The following CACNA2D2 variants were observed in gnomAD, a reference collection of about 807,000 sequenced individuals.
CACNA2D2 encodes calcium voltage-gated channel auxiliary subunit alpha2delta 2.
In CACNA2D2, 48 loss-of-function variants were observed where a neutral mutation model predicts 166.4. That is an observed-to-expected ratio of 0.29 (90% CI 0.23 to 0.37). The LOEUF (loss-of-function observed/expected upper bound fraction) is 0.37. Among genes scored for constraint, CACNA2D2 ranks in the 10% least tolerant of loss-of-function variants. The pLI is 1.00. For synonymous variants in CACNA2D2, 561 were observed against 573.7 expected (o/e 0.98, Z 0.32); for missense variants, 1,122 against 1,433.0 (o/e 0.78, Z 3.50).
intron 4 of CACNA2D2, among the ~76,000 whole-genome samples, chr3:50,389,161 C>T (rs999905671): frequency 2.0e-5 from 3 of 152,176 alleles, no homozygotes; most frequent in East Asian, 1.9e-4. Flanking sequence ...GGGCCTGGGG[C>T]GGGGGCGGAG....
Position 50,364,712 on chromosome 3 carries a change from G to C in CACNA2D2, c.3386C>G (p.Pro1129Arg). The C allele has an allele frequency of 6.5e-7, 1 of 1,547,802 alleles. No individual in the cohort carries two copies. Among genetic ancestry groups the C allele is most frequent in the South Asian group, 1.2e-5 (1 of 84,536 alleles). The change falls in exon 38 of 38, where the codon CCC becomes CGC. Residue 1129 changes from proline to arginine, a missense_variant. Pro to Arg is a moderately radical substitution (Grantham distance 103). Transcript: ENST00000424201. ...LQLLLLLGLP[P>R]RPQPQVLVHA... ...GACGAGGACTTGAGGCTGCGGCCGG[G>C]GCGGCAGGCCCAGGAGGAGCAGCAG...
At chr3:50,384,145 C>T in intron 6 of CACNA2D2, 51 bp downstream of exon 6, 1 of 1,601,020 alleles carries the variant, frequency 6.2e-7, no homozygotes, top group African/African-American at 1.3e-5. Flanking sequence ...GGCAGTGGGC[C>T]TGCCCCCACA....
At chr3:50,500,660 ACATACATGTG>A (rs1698925009) in intron 1 of CACNA2D2, among the ~76,000 whole-genome samples, 1 of 152,092 alleles carries the variant, frequency 6.6e-6, no homozygotes, top group African/African-American at 2.4e-5. Flanking sequence ...GGACAAGTGC[ACATACATGTG>A]CATACATGTG....
At chr3:50,488,058 A>G (rs1163864288) in intron 1 of CACNA2D2, among the ~76,000 whole-genome samples, 1 of 152,138 alleles carries the variant, frequency 6.6e-6, no homozygotes, top group Non-Finnish European at 1.5e-5. Context: ...CATGGGATGC[A>G]TGGGAAGGGG....
chr3:50,372,397 G>A (rs1409885027), intron 22 of CACNA2D2, among the ~76,000 whole-genome samples: 1 of 152,240 alleles, frequency 6.6e-6, no homozygotes, highest in East Asian at 1.9e-4. Context: ...GCCTCTGGAA[G>A]CAGCGGGCCG....
At chr3:50,388,210 G>A (rs587606925) in intron 4 of CACNA2D2, among the ~76,000 whole-genome samples, 1 of 152,330 alleles carries the variant, frequency 6.6e-6, no homozygotes, top group South Asian at 2.1e-4. Flanking sequence ...AGTCGCCTGG[G>A]TTCTTGGCCA....
In CACNA2D2 at chr3:50,364,350, C is replaced by T. The variant is rs1704092123; in HGVS notation, c.*316G>A. 2.8e-6 allele frequency: 1 copy of T among 359,842 alleles called. No individual in the cohort carries two copies. 22.3% of individuals were successfully genotyped at this position (359,842 alleles called of 1,614,324 possible). A position where few individuals can be genotyped will look rare whatever the true frequency, so the allele number is the denominator to read the frequency against. On this transcript the variant is annotated 3_prime_UTR_variant, in exon 38 of 38. Coordinates refer to ENST00000424201, the MANE Select transcript of CACNA2D2 (RefSeq NM_006030.4). ...CATAGGCAGCCTCCAGGAAGGGCGG[C>T]AGCAGAGGCCTGGTTTTGGCACCAG...
intron 1 of CACNA2D2, among the ~76,000 whole-genome samples, chr3:50,476,929 C>CTTTTTTTT (rs61469495): frequency 7.4e-6 from 1 of 135,242 alleles, no homozygotes; most frequent in Non-Finnish European, 1.6e-5. Flanking sequence ...GTTTCTTTTT[C>CTTTTTTTT]TTTTTTTTTT....
At chr3:50,372,518 G>T (rs906291711) in intron 22 of CACNA2D2, among the ~76,000 whole-genome samples, 14 of 152,184 alleles carry the variant, frequency 9.2e-5, no homozygotes, top group African/African-American at 3.1e-4. Flanking sequence ...CAGCATCAGG[G>T]CGTGAGGCTT....
intron 3 of CACNA2D2, among the ~76,000 whole-genome samples, chr3:50,404,980 C>T (rs902566031): frequency 3.3e-5 from 5 of 152,192 alleles, no homozygotes; most frequent in Admixed American, 1.3e-4. Context: ...CCAGCTAGAA[C>T]AAGAGAGCCT....
rs534092838 is a variant in CACNA2D2 at position 50,493,684 on chromosome 3, G to A, written c.206+9534C>T. Among the ~76,000 whole-genome samples the A allele has an allele frequency of 7.9e-5, 12 of 152,318 alleles. No homozygotes were observed. The South Asian group carries it at 2.3e-3, about 29-fold the overall frequency. On this transcript the variant is annotated intron_variant, in intron 1 of 37. Coordinates refer to ENST00000424201, the MANE Select transcript of CACNA2D2 (RefSeq NM_006030.4). ...CAGCCTCTTGTTGGCAGCCAAATGC[G>A]CTCCTCAGACTCAGATCTTGAGGGG...
intron 3 of CACNA2D2, among the ~76,000 whole-genome samples, chr3:50,429,734 C>G (rs1707982218): frequency 6.6e-6 from 1 of 151,256 alleles, no homozygotes; most frequent in Non-Finnish European, 1.5e-5. Flanking sequence ...CATGCCACTG[C>G]ACTCCAGGCT....
intron 3 of CACNA2D2, among the ~76,000 whole-genome samples, chr3:50,417,650 TCC>T: frequency 6.6e-6 from 1 of 152,174 alleles, no homozygotes; most frequent in Admixed American, 6.5e-5. Flanking sequence ...CTCCTCCTCC[TCC>T]TCACTGTCTT....
intron 3 of CACNA2D2, among the ~76,000 whole-genome samples, chr3:50,420,384 G>A (rs1707492123): frequency 6.6e-6 from 1 of 152,208 alleles, no homozygotes; most frequent in Non-Finnish European, 1.5e-5. Context: ...TGTGGGGAGT[G>A]GTGGGGGCTC....
In CACNA2D2 at chr3:50,367,170, T is replaced by C; in HGVS notation, c.2402-61A>G. On this transcript the variant is annotated intron_variant, in intron 27 of 37. Coordinates refer to ENST00000424201, the MANE Select transcript of CACNA2D2 (RefSeq NM_006030.4). The surrounding 1 kb of genome is among the most constrained non-coding windows in gnomAD (Gnocchi z 6.5). ...GGCGGCCACACTGACCACTCTATGC[T>C]GGGTCCTACAAACCCAGCAGTCCAA... 7.6e-7 allele frequency: 1 copy of C among 1,317,906 alleles called. No homozygotes were observed. The highest frequency in any genetic ancestry group is 2.0e-4 in the Middle Eastern group (1 of 4,920). 81.6% of individuals were successfully genotyped at this position (1,317,906 alleles called of 1,614,324 possible).
intron 2 of CACNA2D2, among the ~76,000 whole-genome samples, chr3:50,437,018 A>G (rs745332967): frequency 6.6e-6 from 1 of 152,146 alleles, no homozygotes; most frequent in African/African-American, 2.4e-5. Flanking sequence ...CCCAAGCACC[A>G]TGTCTGTGTG....
intron 3 of CACNA2D2, among the ~76,000 whole-genome samples, chr3:50,433,875 T>C (rs1708186738): frequency 6.6e-6 from 1 of 152,166 alleles, no homozygotes; most frequent in Non-Finnish European, 1.5e-5. Flanking sequence ...TCTGTGGGGC[T>C]TGCAGAGCCC....
rs761974944 is a variant in CACNA2D2, at chr3:50,476,174, C to G, written c.232G>C (p.Glu78Gln). 7 of 1,599,096 alleles carry G rather than the reference C, an allele frequency of 4.4e-6. No individual in the cohort carries two copies. The South Asian group carries it at 6.8e-5, about 15-fold the overall frequency. Residue 78 changes from glutamate to glutamine, a missense_variant, in exon 2 of 38, where the codon GAG (glutamate) becomes CAG (glutamine). Glu to Gln is a conservative substitution (Grantham distance 29, BLOSUM62 2). This residue lies in a region of CACNA2D2 where 840 missense variants were observed against 1,166.8 expected (regional missense o/e 0.72). Transcript: ENST00000424201. ...CGCATCACGCCGTCGACCTCCTGCT[C>G]CAGACGCCGGGCCCAGTGCTGCATC... Reference protein sequence around the residue: ...HTMQHWARRLEQEVDGVMRIF... With the variant: ...HTMQHWARRLQQEVDGVMRIF...
At chr3:50,487,674 CA>C in intron 1 of CACNA2D2, among the ~76,000 whole-genome samples, 1 of 152,282 alleles carries the variant, frequency 6.6e-6, no homozygotes, top group East Asian at 1.9e-4. Context: ...CCAGCTACCC[CA>C]CCTTTCTAGC....
Sources: allele counts gnomAD v4.1 joint callset (sites outside exome capture counted in the v4.1 genomes callset), GRCh38; gene constraint gnomAD v4.1.1; regional missense constraint gnomAD v4.1.1; non-coding constraint Gnocchi (gnomAD v3.1); transcripts MANE v1.5; gene names NCBI Gene and HGNC (gene_info 2026-07-23, HGNC 2026-07-21).